NSMCE2: variants seen among roughly 807,000 people sequenced by gnomAD.
NSMCE2 encodes E3 SUMO-protein ligase NSE2.
NSMCE2 carries 24 observed loss-of-function variants against 23.8 expected under a neutral mutation model. The ratio of observed to expected loss-of-function variants is 1.01; its 90% CI spans 0.73 to 1.42. NSMCE2 has a LOEUF of 1.42. Among genes scored for constraint, NSMCE2 ranks in the 40% most tolerant of loss-of-function variants. NSMCE2 has a pLI of 0.00. For missense variants in NSMCE2, 284 were observed against 296.5 expected (o/e 0.96, Z 0.31); for synonymous variants, 92 against 94.1 (o/e 0.98, Z 0.13).
At chr8:125,127,992 T>TG (rs1411976308) in intron 3 of NSMCE2, among the ~76,000 whole-genome samples, 1 of 152,174 alleles carries the variant, frequency 6.6e-6, no homozygotes, top group Non-Finnish European at 1.5e-5. Context: ...AAAAAAGCTT[T>TG]GGATTTTGGA....
intron 4 of NSMCE2, among the ~76,000 whole-genome samples, chr8:125,154,726 A>G (rs79866116): frequency 0.013 from 1,947 of 152,290 alleles, 36 homozygotes; most frequent in African/African-American, 0.045. Flanking sequence ...TAAGACCAAC[A>G]TGTCATAAAA....
At chr8:125,345,420 G>A (rs747072516) in intron 5 of NSMCE2, among the ~76,000 whole-genome samples, 3 of 152,112 alleles carry the variant, frequency 2.0e-5, no homozygotes, top group African/African-American at 7.2e-5. Flanking sequence ...TTTTTATTGT[G>A]GTAAATTTGT....
chr8:125,290,002 A>G (rs79357341), intron 5 of NSMCE2, among the ~76,000 whole-genome samples: 137 of 152,362 alleles, frequency 9.0e-4, no homozygotes, highest in Middle Eastern at 3.4e-3. Context: ...CGGAGTTTAA[A>G]GAATGTTGGT....
At chr8:125,173,037 A>C (rs1258422214) in intron 4 of NSMCE2, among the ~76,000 whole-genome samples, 1 of 152,194 alleles carries the variant, frequency 6.6e-6, no homozygotes, top group African/African-American at 2.4e-5. Context: ...CAGGTGTTCC[A>C]GGTTCCAGAC....
intron 5 of NSMCE2, among the ~76,000 whole-genome samples, chr8:125,315,793 G>A (rs1829153566): frequency 8.4e-6 from 1 of 119,750 alleles, no homozygotes; most frequent in Non-Finnish European, 2.0e-5. Context: ...TCCTTTGTTG[G>A]TACCCTTTTT....
chr8:125,201,571 C>G (rs1823875589), intron 5 of NSMCE2, among the ~76,000 whole-genome samples: 1 of 152,088 alleles, frequency 6.6e-6, no homozygotes. Flanking sequence ...AAGTTTTGTC[C>G]CAGAGGGGCA....
intron 3 of NSMCE2, among the ~76,000 whole-genome samples, chr8:125,129,691 A>C (rs943350303): frequency 2.6e-5 from 4 of 152,244 alleles, no homozygotes; most frequent in Middle Eastern, 3.4e-3. Context: ...TAATAGAATT[A>C]ATAATTACTT....
At position 125,315,197 on chromosome 8, in the gene NSMCE2, G is replaced by A. The variant is rs1829132828; in HGVS notation, c.419-42022G>A. 3.3e-5 allele frequency among the ~76,000 whole-genome samples: 5 copies of A among 152,082 alleles called. No homozygotes were observed. The South Asian group carries it at 1.0e-3, about 32-fold the overall frequency. ...CAGGGATAGAGTGGTAGGGACAGGA[G>A]AAGTAGATAGGTAAGGAATGTCAGG... On this transcript the variant is annotated intron_variant, in intron 5 of 7. Transcript: ENST00000287437.
intron 4 of NSMCE2, among the ~76,000 whole-genome samples, chr8:125,163,655 A>G (rs1354478504): frequency 6.6e-6 from 1 of 152,230 alleles, no homozygotes; most frequent in African/African-American, 2.4e-5. Flanking sequence ...TAGTTACCAC[A>G]TACAGTCCTC....
At chr8:125,322,420 A>G (rs1044264877) in intron 5 of NSMCE2, among the ~76,000 whole-genome samples, 5 of 152,238 alleles carry the variant, frequency 3.3e-5, no homozygotes, top group African/African-American at 9.6e-5. Context: ...ACAAAATCCA[A>G]TACTGATTCT....
At chr8:125,125,599 A>G (rs1819480586) in intron 3 of NSMCE2, among the ~76,000 whole-genome samples, 2 of 152,196 alleles carry the variant, frequency 1.3e-5, no homozygotes, top group South Asian at 4.1e-4. Context: ...TGTACTGGAA[A>G]TGAGGACATT....
chr8:125,182,644 C>G (rs537411140), intron 5 of NSMCE2: 1 of 268,248 alleles, frequency 3.7e-6, no homozygotes, highest in East Asian at 7.0e-5. Context: ...CTGGTTTTGC[C>G]TCTTTGGAGT....
chr8:125,143,955 A>T (rs1820520081), intron 3 of NSMCE2, among the ~76,000 whole-genome samples: 1 of 152,198 alleles, frequency 6.6e-6, no homozygotes, highest in Non-Finnish European at 1.5e-5. Flanking sequence ...CTTGTGGCTG[A>T]GATCATAGGA....
Position 125,343,298 on chromosome 8 carries a change from A to G in NSMCE2, c.419-13921A>G, listed in dbSNP as rs534437688. On this transcript the variant is annotated intron_variant, in intron 5 of 7. Coordinates refer to ENST00000287437, the MANE Select transcript of NSMCE2 (RefSeq NM_173685.4). ...CACTGCACTTTATCCAAAAATAGAC[A>G]TCTTCAGAGGTTCTTTACCTTTTAG... Among the ~76,000 whole-genome samples, 24 of 152,316 alleles carry G rather than the reference A, an allele frequency of 1.6e-4. No individual in the cohort carries two copies. The South Asian group carries it at 3.3e-3, about 21-fold the overall frequency.
intron 5 of NSMCE2, among the ~76,000 whole-genome samples, chr8:125,274,999 G>GATGATAATAATA (rs779965998): frequency 2.4e-4 from 34 of 142,416 alleles, no homozygotes; most frequent in African/African-American, 8.6e-4. Context: ...ATCTGAAGAT[G>GATGATAATAATA]ATAATAATAA....
At chr8:125,298,697 GTT>G (rs56972472) in intron 5 of NSMCE2, among the ~76,000 whole-genome samples, 8 of 68,382 alleles carry the variant, frequency 1.2e-4, no homozygotes, top group African/African-American at 2.6e-4. Context: ...GTTTTTTTTT[GTT>G]TTTTTTTTTT....
chr8:125,109,658 A>G (rs1818632838), intron 3 of NSMCE2, among the ~76,000 whole-genome samples: 1 of 152,186 alleles, frequency 6.6e-6, no homozygotes, highest in African/African-American at 2.4e-5. Context: ...TCTTGCTCCC[A>G]AGAACTAGGG....
intron 5 of NSMCE2, among the ~76,000 whole-genome samples, chr8:125,248,972 C>T (rs1444767037): frequency 2.0e-5 from 3 of 151,992 alleles, no homozygotes; most frequent in Non-Finnish European, 4.4e-5. Context: ...GTGTTCAAGA[C>T]CAGCCTGGCC....
intron 5 of NSMCE2, among the ~76,000 whole-genome samples, chr8:125,342,194 G>A (rs886890444): frequency 2.6e-5 from 4 of 152,184 alleles, no homozygotes; most frequent in East Asian, 1.9e-4. Context: ...GTGCTCACTC[G>A]TAATTGTCAC....
Sources: allele counts gnomAD v4.1 joint callset (sites outside exome capture counted in the v4.1 genomes callset), GRCh38; gene constraint gnomAD v4.1.1; transcripts MANE v1.5; gene names NCBI Gene and HGNC (gene_info 2026-07-23, HGNC 2026-07-21).